The following SLC20A2 variants were observed in gnomAD, a reference collection of about 807,000 sequenced individuals.
The protein encoded by SLC20A2 is solute carrier family 20 member 2.
SLC20A2 carries 30 observed loss-of-function variants against 61.0 expected under a neutral mutation model. The observed-to-expected ratio is 0.49, with a 90% CI of 0.37 to 0.67. SLC20A2 has a LOEUF of 0.67. Among genes scored for constraint, SLC20A2 ranks in the 30% least tolerant of loss-of-function variants. The pLI, the probability that SLC20A2 is intolerant of heterozygous loss-of-function variation, is 0.00. For synonymous variants in SLC20A2, 351 were observed against 353.3 expected, an observed-to-expected ratio of 0.99 and a Z score of 0.07; for missense variants, 626 against 866.4, an observed-to-expected ratio of 0.72 and a Z score of 3.48.
intron 2 of SLC20A2, among the ~76,000 whole-genome samples, chr8:42,468,105 C>A (rs1475935865): frequency 6.6e-6 from 1 of 151,866 alleles, no homozygotes; most frequent in Admixed American, 6.6e-5. Context: ...GGTTTCACCG[C>A]GTCAGCCAAG....
At chr8:42,479,003 T>C (rs1018975574) in intron 1 of SLC20A2, among the ~76,000 whole-genome samples, 7 of 151,982 alleles carry the variant, frequency 4.6e-5, no homozygotes, top group Non-Finnish European at 8.8e-5. Flanking sequence ...CACAGCACAT[T>C]TAAAACAATG....
intron 1 of SLC20A2, among the ~76,000 whole-genome samples, chr8:42,515,232 T>C (rs574707093): frequency 6.6e-6 from 1 of 152,246 alleles, no homozygotes; most frequent in African/African-American, 2.4e-5. Flanking sequence ...GAGCTTGTGG[T>C]ATTAACCTCT....
At chr8:42,429,885 T>C (rs550075625) in intron 9 of SLC20A2, among the ~76,000 whole-genome samples, 179 bp downstream of exon 9, 120 of 152,208 alleles carry the variant, frequency 7.9e-4, no homozygotes, top group South Asian at 6.4e-3. Flanking sequence ...CCGGGCACAG[T>C]AAGGGAGGGC....
chr8:42,533,851 G>A (rs372402250), intron 1 of SLC20A2, among the ~76,000 whole-genome samples: 224 of 150,188 alleles, frequency 1.5e-3, no homozygotes, highest in African/African-American at 4.9e-3. Flanking sequence ...TGGAGACGGG[G>A]GTTTCACTAT....
rs149224160 is a variant in SLC20A2, at chr8:42,513,719, T to C, written c.-265+28102A>G. ...GAGAAAAGAAATGAATAGGATCTTA[T>C]CTTGCAAGAGTTCAGTGTGCCCTGG... On this transcript the variant is annotated intron_variant, in intron 1 of 10. Coordinates refer to the SLC20A2 transcript ENST00000342228. Among the ~76,000 whole-genome samples the C allele has an allele frequency of 9.2e-5, 14 of 152,252 alleles. No homozygotes were observed. In the East Asian group the frequency reaches 2.7e-3, roughly 29 times the overall value.
chr8:42,453,261 T>C (rs1805885545), intron 5 of SLC20A2, among the ~76,000 whole-genome samples: 2 of 152,374 alleles, frequency 1.3e-5, no homozygotes, highest in Middle Eastern at 6.8e-3. Context: ...CTTAGGCTTG[T>C]ATCCAACCCA....
chr8:42,435,619 G>T (rs937755100), intron 8 of SLC20A2, among the ~76,000 whole-genome samples: 1 of 152,008 alleles, frequency 6.6e-6, no homozygotes, highest in African/African-American at 2.4e-5. Context: ...AGGCCTGGGC[G>T]TGGGGTGGGG....
chr8:42,437,620 T>A lies in SLC20A2; in HGVS notation c.935-43A>T. 1 of 1,485,940 alleles carries A rather than the reference T, an allele frequency of 6.7e-7. No homozygotes were observed. The highest frequency in any genetic ancestry group is 9.0e-7 in the Non-Finnish European group (1 of 1,110,690). The allele number at this position is 1,485,940 out of a possible 1,614,324, so 92.0% of individuals were successfully genotyped here. On this transcript the variant is annotated intron_variant, in intron 7 of 10. Coordinates refer to ENST00000520262, the MANE Select transcript of SLC20A2 (RefSeq NM_001257180.2). The surrounding 1 kb of genome is among the most constrained non-coding windows in gnomAD (Gnocchi z 6.4). ...AGGTCTCATTTTCCAGTCTTTTTTTTTTTTTTCTTTTCTTTTTGAGACGGA... is the reference window on the plus strand; with the variant it reads ...AGGTCTCATTTTCCAGTCTTTTTTTATTTTTTCTTTTCTTTTTGAGACGGA...
intron 10 of SLC20A2, among the ~76,000 whole-genome samples, chr8:42,428,427 G>C (rs915208140): frequency 1.3e-5 from 2 of 152,232 alleles, no homozygotes; most frequent in African/African-American, 2.4e-5. Context: ...AGGCTCCCAA[G>C]TGAGCCCACA....
At chr8:42,442,041 C>A (rs1257848897) in intron 6 of SLC20A2, among the ~76,000 whole-genome samples, 1 of 152,018 alleles carries the variant, frequency 6.6e-6, no homozygotes, top group Non-Finnish European at 1.5e-5. Flanking sequence ...TCAAGCAATT[C>A]TCCTGCCTCA....
intron 1 of SLC20A2, among the ~76,000 whole-genome samples, chr8:42,510,454 G>A (rs1271440059): frequency 2.0e-5 from 3 of 152,078 alleles, no homozygotes; most frequent in African/African-American, 7.2e-5. Flanking sequence ...TCAGATAATA[G>A]GAAAACTATT....
At chr8:42,506,238 C>T (rs1301933239) in intron 1 of SLC20A2, among the ~76,000 whole-genome samples, 1 of 152,190 alleles carries the variant, frequency 6.6e-6, no homozygotes. Flanking sequence ...CTGTGCCTGG[C>T]CCACGTTAGG....
At chr8:42,450,313 T>C (rs7008132) in intron 5 of SLC20A2, among the ~76,000 whole-genome samples, 21,227 of 151,582 alleles carry the variant, frequency 0.14, 4,068 homozygotes, top group African/African-American at 0.44. Context: ...TTGCAACCTC[T>C]ACCTCCCAGG....
chr8:42,443,564 A>G (rs1285378145), intron 6 of SLC20A2, among the ~76,000 whole-genome samples: 1 of 151,886 alleles, frequency 6.6e-6, no homozygotes, highest in African/African-American at 2.4e-5. Context: ...TCCTGACCTC[A>G]GGTGATCCAC....
chr8:42,504,852 CAAAAAAAAAAAAAAA>C (rs771127709), upstream of SLC20A2, among the ~76,000 whole-genome samples: 47 of 16,490 alleles, frequency 2.9e-3, no homozygotes, highest in South Asian at 0.014. Context: ...GACTCCGTCT[CAAAAAAAAAAAAAAA>C]AAAAAAAAAA....
chr8:42,497,121 TTCTC>T (rs1162956118), intron 1 of SLC20A2, among the ~76,000 whole-genome samples: 1 of 152,264 alleles, frequency 6.6e-6, no homozygotes, highest in Non-Finnish European at 1.5e-5. Context: ...ATTATTAATC[TTCTC>T]TAAGTGACAA....
At chr8:42,466,793 C>T in intron 2 of SLC20A2, among the ~76,000 whole-genome samples, 1 of 152,090 alleles carries the variant, frequency 6.6e-6, no homozygotes, top group Middle Eastern at 3.2e-3. Flanking sequence ...CTCAGCCTCC[C>T]AAGCAGCTGA....
At chr8:42,537,987 C>G (rs2131460361) in intron 1 of SLC20A2, 1 of 152,200 alleles carries the variant, frequency 6.6e-6, no homozygotes, top group South Asian at 2.1e-4. Context: ...CCATTTCTTC[C>G]TCTGAAAAAT....
At chr8:42,534,988 T>G (rs1433685767) in intron 1 of SLC20A2, 1 of 152,210 alleles carries the variant, frequency 6.6e-6, no homozygotes, top group Non-Finnish European at 1.5e-5. Context: ...ACAAAGATAA[T>G]GTAAGAAACA....
Sources: allele counts gnomAD v4.1 joint callset (sites outside exome capture counted in the v4.1 genomes callset), GRCh38; gene constraint gnomAD v4.1.1; non-coding constraint Gnocchi (gnomAD v3.1); transcripts MANE v1.5; gene names NCBI Gene and HGNC (gene_info 2026-07-23, HGNC 2026-07-21).